NHSL1: variants seen among roughly 807,000 people sequenced by gnomAD.
NHSL1 encodes NHS like 1, also known as NHS-like protein 1.
NHSL1 carries 48 observed loss-of-function variants against 95.0 expected under a neutral mutation model. The observed-to-expected ratio is 0.51, with a 90% CI of 0.40 to 0.64. The LOEUF (loss-of-function observed/expected upper bound fraction) is 0.64, where lower values mean the gene tolerates loss of function less well. Among genes scored for constraint, NHSL1 ranks in the 30% least tolerant of loss-of-function variants. The pLI, the probability that NHSL1 is intolerant of heterozygous loss-of-function variation, is 0.00. For synonymous variants in NHSL1, 783 were observed against 833.9 expected (o/e 0.94, Z 1.05); for missense variants, 1,971 against 2,077.7 (o/e 0.95, Z 1.00).
chr6:138,680,267 A>G (rs1438293456), intron 1 of NHSL1, among the ~76,000 whole-genome samples: 2 of 152,214 alleles, frequency 1.3e-5, no homozygotes, highest in Non-Finnish European at 2.9e-5. Flanking sequence ...AAATAACTCC[A>G]CTGACCACGG....
At chr6:138,568,481 T>C (rs1783702647) in intron 1 of NHSL1, among the ~76,000 whole-genome samples, 5 of 152,224 alleles carry the variant, frequency 3.3e-5, no homozygotes. Flanking sequence ...CACCCTTGAT[T>C]TGTATGGCTA....
intron 1 of NHSL1, among the ~76,000 whole-genome samples, chr6:138,536,631 T>TTC (rs1562356269): frequency 1.1e-5 from 1 of 92,186 alleles, no homozygotes; most frequent in Non-Finnish European, 2.0e-5. Flanking sequence ...TTTTTTTTTT[T>TTC]CACTTTAAGC....
chr6:138,579,533 G>A (rs1360154612), intron 1 of NHSL1, among the ~76,000 whole-genome samples: 2 of 152,178 alleles, frequency 1.3e-5, no homozygotes, highest in Non-Finnish European at 1.5e-5. Context: ...ACTGATAGGC[G>A]TATGCTTTTC....
chr6:138,525,576 T>TAAATAAAA (rs1562348798), intron 1 of NHSL1, among the ~76,000 whole-genome samples: 2 of 136,040 alleles, frequency 1.5e-5, no homozygotes, highest in African/African-American at 2.7e-5. Context: ...AATAAATAAA[T>TAAATAAAA]AAAAAGGGAA....
At position 138,447,007 on chromosome 6, in the gene NHSL1, T is replaced by G; in HGVS notation, c.526A>C (p.Ile176Leu). 6.4e-7 allele frequency: 1 copy of G among 1,551,652 alleles called. No homozygotes were observed. Among genetic ancestry groups the G allele is most frequent in the Non-Finnish European group, 8.7e-7 (1 of 1,146,924 alleles). Residue 176 changes from isoleucine (I) to leucine (L), a missense_variant, in exon 4 of 8, where the codon ATA becomes CTA. By Grantham distance (5) the Ile-to-Leu change is conservative (BLOSUM62 2). Around this residue, in one of 3 missense-constraint regions of NHSL1, gnomAD observed 1,602 missense variants for 1,654.5 expected, o/e 0.97. Transcript: ENST00000343505. ...TVQADVVPIN[I>L]TGENFDRQAS... ...TCTGGCTAGCAAAGCGTACCAGTTATGTTAATAGGCACCACGTCAGCCTGG... is the reference window on the plus strand; with the variant it reads ...TCTGGCTAGCAAAGCGTACCAGTTAGGTTAATAGGCACCACGTCAGCCTGG...
In NHSL1 at chr6:138,442,056, C is replaced by T. The variant is rs1401539894; in HGVS notation, c.591G>A (p.Leu197=). ...TTTTGACTTTCTTCGGTCGTCTTAC[C>T]AGAGTGTCTGTGTAAATTAGAGACC... The part of the protein sequence containing the change: ...LRRSLIYTDT[L]VRRPKKVKRR... The change falls in exon 5 of 8, where the codon CTG becomes CTA. Residue 197 remains leucine (L), a synonymous_variant. Transcript: ENST00000343505. 6.4e-7 allele frequency: 1 copy of T among 1,551,168 alleles called. No individual in the cohort carries two copies. The highest frequency in any genetic ancestry group is 8.7e-7 in the Non-Finnish European group (1 of 1,146,738).
intron 1 of NHSL1, among the ~76,000 whole-genome samples, chr6:138,505,775 G>A (rs1404472091): frequency 3.3e-5 from 5 of 152,088 alleles, no homozygotes; most frequent in Admixed American, 2.0e-4. Context: ...GCTCAGGGCT[G>A]TGTATTAAAT....
chr6:138,566,111 C>T (rs879535970), intron 1 of NHSL1, among the ~76,000 whole-genome samples: 1 of 152,018 alleles, frequency 6.6e-6, no homozygotes, highest in Non-Finnish European at 1.5e-5. Flanking sequence ...TAAAAACAAA[C>T]TGTTGGCCAG....
At chr6:138,457,902 G>A (rs1409022323) in intron 3 of NHSL1, among the ~76,000 whole-genome samples, 2 of 151,938 alleles carry the variant, frequency 1.3e-5, no homozygotes, top group African/African-American at 4.8e-5. Flanking sequence ...CAGCTACTCG[G>A]GAGGCTGAGG....
At chr6:138,489,370 C>T (rs1050406520) in intron 2 of NHSL1, among the ~76,000 whole-genome samples, 3 of 152,018 alleles carry the variant, frequency 2.0e-5, no homozygotes, top group Admixed American at 2.0e-4. Flanking sequence ...AAGAAACAAA[C>T]AAAATTAAAC....
intron 3 of NHSL1, among the ~76,000 whole-genome samples, chr6:138,463,822 TCA>T (rs1187269838): frequency 6.6e-6 from 1 of 152,186 alleles, no homozygotes; most frequent in Non-Finnish European, 1.5e-5. Flanking sequence ...ATGATGACTC[TCA>T]GAGTCCTTCT....
intron 1 of NHSL1, among the ~76,000 whole-genome samples, chr6:138,614,235 T>C (rs1021860611): frequency 6.6e-6 from 1 of 152,218 alleles, no homozygotes; most frequent in African/African-American, 2.4e-5. Context: ...GCTCACCATT[T>C]GCTCTCTGAC....
intron 4 of NHSL1, chr6:138,446,715 C>T (rs1776884739): frequency 8.9e-6 from 3 of 335,586 alleles, no homozygotes; most frequent in South Asian, 5.3e-5. Flanking sequence ...CAAAGGCTTA[C>T]TAAAAAGCAA....
chr6:138,526,349 T>A (rs948297344), intron 1 of NHSL1, among the ~76,000 whole-genome samples: 4 of 151,976 alleles, frequency 2.6e-5, no homozygotes, highest in Non-Finnish European at 5.9e-5. Context: ...AGCCTGGTGG[T>A]GCTCACCTGT....
At chr6:138,473,257 T>C (rs2128248008) in intron 3 of NHSL1, 49 bp downstream of exon 3, 1 of 1,432,392 alleles carries the variant, frequency 7.0e-7, no homozygotes, top group South Asian at 1.6e-5. Flanking sequence ...ATATCCTTTC[T>C]CTGTTCTGGG....
intron 1 of NHSL1, among the ~76,000 whole-genome samples, chr6:138,614,807 A>G (rs1280273249): frequency 6.6e-6 from 1 of 152,198 alleles, no homozygotes; most frequent in African/African-American, 2.4e-5. Flanking sequence ...TCATAGAAGC[A>G]TGAACCCTAT....
At chr6:138,650,643 G>T in intron 1 of NHSL1, 1 of 569,036 alleles carries the variant, frequency 1.8e-6, no homozygotes, top group Non-Finnish European at 3.5e-6. Flanking sequence ...ACTATCCTTG[G>T]CTTCCCATCC....
intron 1 of NHSL1, among the ~76,000 whole-genome samples, chr6:138,539,068 A>C (rs1782477361): frequency 6.6e-6 from 1 of 152,258 alleles, no homozygotes; most frequent in Non-Finnish European, 1.5e-5. Flanking sequence ...AAGTTAACAA[A>C]GACTGATAAA....
chr6:138,578,841 A>C (rs940259029), intron 1 of NHSL1, among the ~76,000 whole-genome samples: 2 of 152,192 alleles, frequency 1.3e-5, no homozygotes, highest in African/African-American at 2.4e-5. Flanking sequence ...ACTGTATTTA[A>C]GTTAGCACAG....
Sources: gnomAD v4.1 joint callset for allele counts (sites outside exome capture counted in the v4.1 genomes callset) on GRCh38, gnomAD v4.1.1 for gene constraint, gnomAD v4.1.1 regional missense constraint, MANE v1.5 for transcripts, NCBI Gene and HGNC (gene_info 2026-07-23, HGNC 2026-07-21) for gene names.